The following ZNF420 variants were observed in gnomAD, a reference collection of about 807,000 sequenced individuals.
ZNF420 encodes the protein zinc finger protein 420, also known as ATM and p53-associated KZNF protein.
Under a neutral mutation model 44.7 loss-of-function variants are expected in ZNF420, and 31 were observed. That is an observed-to-expected ratio of 0.69 (90% confidence interval 0.52 to 0.94). The LOEUF (loss-of-function observed/expected upper bound fraction) is 0.94. Among genes scored for constraint, ZNF420 ranks in the 40% least tolerant of loss-of-function variants. The probability of loss-of-function intolerance (pLI) is 0.00; values close to 1 mark genes in which losing one functional copy is unlikely to be tolerated. For synonymous variants in ZNF420, 245 were observed against 267.4 expected (o/e 0.92, Z 0.82); for missense variants, 681 against 827.9 (o/e 0.82, Z 2.18).
At chr19:37,108,712 C>T (rs1970227777) in intron 4 of ZNF420, among the ~76,000 whole-genome samples, 1 of 152,078 alleles carries the variant, frequency 6.6e-6, no homozygotes, top group African/African-American at 2.4e-5. Context: ...CTCCCCATTC[C>T]CAAGGGTAGA....
upstream of ZNF420, among the ~76,000 whole-genome samples, chr19:37,076,724 TA>T (rs1968165065): frequency 6.6e-6 from 1 of 152,184 alleles, no homozygotes; most frequent in South Asian, 2.1e-4. Context: ...TATGGCTGCA[TA>T]GTATTCCATG....
intron 1 of ZNF420, among the ~76,000 whole-genome samples, chr19:37,018,478 A>C (rs1372408857): frequency 6.6e-6 from 1 of 152,244 alleles, no homozygotes; most frequent in African/African-American, 2.4e-5. Context: ...AAGGGTGCCA[A>C]GATCAGTCAA....
At chr19:37,088,418 C>T (rs761443709) in intron 2 of ZNF420, among the ~76,000 whole-genome samples, 34 of 152,190 alleles carry the variant, frequency 2.2e-4, no homozygotes, top group Non-Finnish European at 2.8e-4. Flanking sequence ...GAAAAAGGCT[C>T]TACTTCGCTT....
intron 4 of ZNF420, among the ~76,000 whole-genome samples, chr19:37,096,610 T>C (rs1159558662): frequency 2.0e-5 from 3 of 152,228 alleles, no homozygotes; most frequent in Non-Finnish European, 4.4e-5. Flanking sequence ...AACATCTAGG[T>C]AATTAAAATC....
At chr19:37,039,442 G>A (rs1270210602) in intron 1 of ZNF420, among the ~76,000 whole-genome samples, 1 of 152,202 alleles carries the variant, frequency 6.6e-6, no homozygotes, top group Non-Finnish European at 1.5e-5. Flanking sequence ...GAGCTCTTGG[G>A]TGACCAGGTA....
At chr19:37,020,606 TAGC>T (rs1163199619) in intron 1 of ZNF420, among the ~76,000 whole-genome samples, 1 of 152,212 alleles carries the variant, frequency 6.6e-6, no homozygotes. Context: ...ACCATGTTCA[TAGC>T]AGCATTATGC....
At position 37,128,876 on chromosome 19, in the gene ZNF420, C is replaced by T; in HGVS notation, c.1885C>T (p.His629Tyr). The T allele has an allele frequency of 6.2e-7, 1 of 1,613,948 alleles. No homozygotes were observed. The highest frequency in any genetic ancestry group is 2.2e-5 in the East Asian group (1 of 44,882). Reference protein sequence around the residue: ...ECRKAFTQSSHLSRHQRIHTG... With the variant: ...ECRKAFTQSSYLSRHQRIHTG... ...TAGAAAGGCCTTTACTCAGAGTTCA[C>T]ATCTTTCTCGGCATCAGAGAATTCA... The change falls in exon 5 of 5, where the codon CAT (histidine) becomes TAT (tyrosine). Residue 629 changes from histidine (H) to tyrosine (Y), a missense_variant. His to Tyr is a moderately conservative substitution (Grantham distance 83, BLOSUM62 2). This residue lies in a region of ZNF420 where 280 missense variants were observed against 338.6 expected (regional missense o/e 0.83). Transcript: ENST00000337995.
chr19:37,033,851 G>T (rs1329460283), intron 1 of ZNF420, among the ~76,000 whole-genome samples: 3 of 152,270 alleles, frequency 2.0e-5, no homozygotes, highest in East Asian at 3.9e-4. Context: ...CCGCCTCCCA[G>T]GTTCAAGCGA....
chr19:37,075,052 A>G (rs1294129523), upstream of ZNF420: 2 of 152,248 alleles, frequency 1.3e-5, no homozygotes, highest in African/African-American at 2.4e-5. Flanking sequence ...ATTTGCCAAC[A>G]TCAACAAAGA....
intron 1 of ZNF420, chr19:37,025,112 C>T (rs1262186669): frequency 2.9e-5 from 9 of 307,980 alleles, no homozygotes; most frequent in Non-Finnish European, 5.6e-5. Context: ...ACACTAAAGG[C>T]CTTGTCACAT....
intron 1 of ZNF420, among the ~76,000 whole-genome samples, chr19:37,057,895 C>T (rs1055566066): frequency 2.0e-5 from 3 of 152,114 alleles, no homozygotes; most frequent in Non-Finnish European, 4.4e-5. Context: ...AGCCACACCA[C>T]GATACAGTCT....
chr19:37,113,612 G>GCT (rs1970500296), intron 4 of ZNF420, among the ~76,000 whole-genome samples: 1 of 152,208 alleles, frequency 6.6e-6, no homozygotes, highest in African/African-American at 2.4e-5. Flanking sequence ...TCAGGGTAGG[G>GCT]CTCCTTTAGC....
chr19:37,039,701 C>CTTTTTTTTTT (rs3051691), intron 1 of ZNF420, among the ~76,000 whole-genome samples: 1 of 143,746 alleles, frequency 7.0e-6, no homozygotes. Context: ...ATGTTTCTTT[C>CTTTTTTTTTT]TTTTTTTTTT....
intron 1 of ZNF420, among the ~76,000 whole-genome samples, chr19:37,069,750 G>T (rs1271322012): frequency 6.6e-6 from 1 of 152,094 alleles, no homozygotes; most frequent in Admixed American, 6.5e-5. Flanking sequence ...TAGAACCATT[G>T]TAAGTTGGAG....
intron 4 of ZNF420, among the ~76,000 whole-genome samples, chr19:37,121,587 A>G (rs926393081): frequency 6.6e-6 from 1 of 152,218 alleles, no homozygotes; most frequent in Non-Finnish European, 1.5e-5. Flanking sequence ...TGTCTCAAAC[A>G]CCAAAAGCAA....
chr19:37,092,749 G>A (rs1431346256), intron 4 of ZNF420, among the ~76,000 whole-genome samples: 1 of 150,826 alleles, frequency 6.6e-6, no homozygotes, highest in Non-Finnish European at 1.5e-5. Context: ...AAACCACAAT[G>A]ATATAGTTAT....
In ZNF420 at chr19:37,128,358, T is replaced by G; in HGVS notation, c.1367T>G (p.Phe456Cys). ...GAATGTAAAGAATGTGGAAAAACCT[T>G]TAGTCGTGGCTCAGAACTTACTCAA... is the stretch of plus-strand genomic sequence containing the variant. ...PYECKECGKT[F>C]SRGSELTQHE... is the part of the protein sequence containing the mutation. The change falls in exon 5 of 5, where the codon TTT becomes TGT. Residue 456 changes from phenylalanine to cysteine, a missense_variant. By Grantham distance (205) the Phe-to-Cys change is radical. Transcript: ENST00000337995. The G allele has an allele frequency of 6.2e-7, 1 of 1,614,000 alleles. No individual in the cohort carries two copies. Among genetic ancestry groups the G allele is most frequent in the Non-Finnish European group, 8.5e-7 (1 of 1,179,950 alleles).
intron 4 of ZNF420, among the ~76,000 whole-genome samples, chr19:37,118,990 A>G (rs965900083): frequency 6.6e-6 from 1 of 152,186 alleles, no homozygotes; most frequent in African/African-American, 2.4e-5. Context: ...GTGACCTACA[A>G]AGAGACTTAG....
chr19:37,008,026 G>T, exon 1 of ZNF420: 1 of 213,688 alleles, frequency 4.7e-6, no homozygotes, highest in Non-Finnish European at 9.4e-6. Context: ...ACCACAGGCG[G>T]AGTCTAGGGG....
Sources: allele counts gnomAD v4.1 joint callset (sites outside exome capture counted in the v4.1 genomes callset), GRCh38; gene constraint gnomAD v4.1.1; regional missense constraint gnomAD v4.1.1; transcripts MANE v1.5; gene names NCBI Gene and HGNC (gene_info 2026-07-23, HGNC 2026-07-21).